The following XKR9 variants were observed in gnomAD, a reference collection of about 807,000 sequenced individuals.
XKR9 encodes XK related 9.
In XKR9, 32 loss-of-function variants were observed where a neutral mutation model predicts 32.0. The ratio of observed to expected loss-of-function variants is 1.00; its 90% confidence interval spans 0.76 to 1.34. The LOEUF is 1.34. XKR9 is among the 40% of genes most tolerant of loss of function. XKR9 has a pLI of 0.00. For missense variants in XKR9, 546 were observed against 429.7 expected, an observed-to-expected ratio of 1.27 and a Z score of -2.39; for synonymous variants, 168 against 143.4, an observed-to-expected ratio of 1.17 and a Z score of -1.22.
the XKR9 span, among the ~76,000 whole-genome samples, chr8:70,975,488 T>C: frequency 1.1e-4 from 16 of 152,372 alleles, no homozygotes; most frequent in African/African-American, 3.8e-4. Context: ...GCACCATTTA[T>C]TAAATACGGA....
At chr8:70,783,390 C>A (rs900078750) in intron 2 of XKR9, among the ~76,000 whole-genome samples, 3 of 152,172 alleles carry the variant, frequency 2.0e-5, no homozygotes, top group South Asian at 2.1e-4. Context: ...TCACACCCAG[C>A]TAATTTTTTG....
intron 2 of XKR9, among the ~76,000 whole-genome samples, chr8:70,754,084 A>G (rs1357473024): frequency 6.8e-6 from 1 of 147,120 alleles, no homozygotes; most frequent in Non-Finnish European, 1.5e-5. Flanking sequence ...ATACAAAATC[A>G]ATGTACAAAA....
the XKR9 span, among the ~76,000 whole-genome samples, chr8:70,954,644 T>C: frequency 6.6e-6 from 1 of 152,226 alleles, no homozygotes; most frequent in African/African-American, 2.4e-5. Context: ...CCAACTTCTC[T>C]TTATCCTCAG....
the XKR9 span, among the ~76,000 whole-genome samples, chr8:70,809,175 AG>A: frequency 2.0e-4 from 30 of 152,210 alleles, no homozygotes; most frequent in African/African-American, 7.0e-4. Flanking sequence ...GCTGATACCC[AG>A]GCAAACAGGA....
the XKR9 span, among the ~76,000 whole-genome samples, chr8:70,816,445 T>A: frequency 6.6e-6 from 1 of 152,220 alleles, no homozygotes; most frequent in Admixed American, 6.5e-5. Context: ...TTCTGTATGT[T>A]TATAGCAGCA....
At chr8:70,797,186 G>A in the XKR9 span, among the ~76,000 whole-genome samples, 2,777 of 152,182 alleles carry the variant, frequency 0.018, 37 homozygotes, top group Non-Finnish European at 0.03. Context: ...AAAAAATGAG[G>A]TAACAGTCAG....
chr8:70,884,890 A>T, the XKR9 span, among the ~76,000 whole-genome samples: 1 of 152,270 alleles, frequency 6.6e-6, no homozygotes, highest in Middle Eastern at 3.4e-3. Context: ...GAAATTTACA[A>T]TCCGTTTGTT....
At chr8:70,829,502 G>T in the XKR9 span, among the ~76,000 whole-genome samples, 2 of 152,222 alleles carry the variant, frequency 1.3e-5, no homozygotes, top group African/African-American at 4.8e-5. Flanking sequence ...AGGCTGGAGT[G>T]CAGTGGTGCG....
intron 2 of XKR9, among the ~76,000 whole-genome samples, chr8:70,787,415 A>C (rs778397734): frequency 6.6e-6 from 1 of 152,126 alleles, no homozygotes; most frequent in Non-Finnish European, 1.5e-5. Context: ...CTTCAATGCA[A>C]AATAGGCTTG....
chr8:70,933,846 T>C, the XKR9 span, among the ~76,000 whole-genome samples: 3 of 152,092 alleles, frequency 2.0e-5, no homozygotes, highest in Admixed American at 1.3e-4. Flanking sequence ...TCAGTATCTA[T>C]TAGTTATATC....
At chr8:70,914,963 A>G in the XKR9 span, among the ~76,000 whole-genome samples, 1 of 152,162 alleles carries the variant, frequency 6.6e-6, no homozygotes, top group Non-Finnish European at 1.5e-5. Flanking sequence ...TTATTATTCA[A>G]AACAGTCTCC....
At chr8:70,841,832 A>G in the XKR9 span, among the ~76,000 whole-genome samples, 15 of 152,232 alleles carry the variant, frequency 9.9e-5, no homozygotes, top group Admixed American at 2.6e-4. Flanking sequence ...AATTCTAATT[A>G]CTTGATTAAC....
At chr8:70,903,071 G>A in the XKR9 span, among the ~76,000 whole-genome samples, 112 of 152,194 alleles carry the variant, frequency 7.4e-4, no homozygotes, top group East Asian at 1.9e-4. Flanking sequence ...TTGCATTGAT[G>A]TTCATTAGGG....
chr8:71,063,188 G>C, the XKR9 span, among the ~76,000 whole-genome samples: 7 of 152,178 alleles, frequency 4.6e-5, no homozygotes, highest in Non-Finnish European at 7.3e-5. Context: ...ACTGGAAGAT[G>C]ATGATGACTA....
At chr8:70,775,110 T>A (rs1173556877) in intron 2 of XKR9, among the ~76,000 whole-genome samples, 1 of 152,112 alleles carries the variant, frequency 6.6e-6, no homozygotes, top group Non-Finnish European at 1.5e-5. Flanking sequence ...ATTTTCTAAA[T>A]CTCATCTTCT....
chr8:71,035,495 GTAT>G, the XKR9 span, among the ~76,000 whole-genome samples: 1 of 152,168 alleles, frequency 6.6e-6, no homozygotes, highest in Non-Finnish European at 1.5e-5. Flanking sequence ...AAATTATCTT[GTAT>G]TTATCAGACA....
the XKR9 span, among the ~76,000 whole-genome samples, chr8:71,051,486 GT>G: frequency 2.0e-5 from 3 of 151,392 alleles, no homozygotes; most frequent in Admixed American, 6.6e-5. Context: ...TTGACTTCAA[GT>G]TTTCATGGTT....
At chr8:70,940,180 T>G in the XKR9 span, among the ~76,000 whole-genome samples, 1 of 152,184 alleles carries the variant, frequency 6.6e-6, no homozygotes, top group Middle Eastern at 3.4e-3. Flanking sequence ...TTACCCCCAC[T>G]TCTGTCACTG....
the XKR9 span, among the ~76,000 whole-genome samples, chr8:71,016,143 A>G: frequency 6.6e-6 from 1 of 152,140 alleles, no homozygotes; most frequent in African/African-American, 2.4e-5. Flanking sequence ...AAAATATAAT[A>G]GCAATTTTAT....
Sources: allele counts gnomAD v4.1 joint callset (sites outside exome capture counted in the v4.1 genomes callset), GRCh38; gene constraint gnomAD v4.1.1; transcripts MANE v1.5; gene names NCBI Gene and HGNC (gene_info 2026-07-23, HGNC 2026-07-21).